PDE4D: variants seen among roughly 807,000 people sequenced by gnomAD.
The protein encoded by PDE4D is phosphodiesterase 4D.
Under a neutral mutation model 87.4 loss-of-function variants are expected in PDE4D, and 24 were observed. That is an observed-to-expected ratio of 0.27 (90% CI 0.20 to 0.39). The LOEUF is 0.39. Among genes scored for constraint, PDE4D ranks in the 10% least tolerant of loss-of-function variants. The pLI is 1.00. For missense variants in PDE4D, 714 were observed against 1,041.0 expected (o/e 0.69, Z 4.32); for synonymous variants, 384 against 383.2 (o/e 1.00, Z -0.02).
chr5:59,853,016 T>A (rs1744909835), intron 1 of PDE4D, among the ~76,000 whole-genome samples: 1 of 152,108 alleles, frequency 6.6e-6, no homozygotes, highest in African/African-American at 2.4e-5. Context: ...GCTCTTCTCC[T>A]TAACACCTTG....
intron 5 of PDE4D, among the ~76,000 whole-genome samples, chr5:59,070,390 CA>C (rs1301617812): frequency 1.3e-5 from 2 of 152,142 alleles, no homozygotes; most frequent in African/African-American, 4.8e-5. Context: ...AGAGGGTACC[CA>C]TTTTCAAATA....
intron 1 of PDE4D, among the ~76,000 whole-genome samples, chr5:59,471,596 C>T (rs1045754658): frequency 7.2e-5 from 11 of 152,214 alleles, no homozygotes; most frequent in Non-Finnish European, 1.5e-4. Flanking sequence ...TAAGGATCTT[C>T]CTAAGACTCA....
chr5:59,917,595 A>G (rs1040131213), intron 3 of PDE4D, among the ~76,000 whole-genome samples: 18 of 152,304 alleles, frequency 1.2e-4, no homozygotes, highest in African/African-American at 4.3e-4. Flanking sequence ...GTCCTTATTC[A>G]TTATTTCATA....
intron 1 of PDE4D, among the ~76,000 whole-genome samples, chr5:59,381,333 C>A (rs1025981686): frequency 5.3e-5 from 8 of 152,028 alleles, no homozygotes; most frequent in Non-Finnish European, 8.8e-5. Flanking sequence ...GAGATCAAAT[C>A]GCTTTACCCA....
intron 1 of PDE4D, among the ~76,000 whole-genome samples, chr5:59,454,605 C>T (rs527433741): frequency 7.2e-5 from 11 of 152,174 alleles, no homozygotes; most frequent in South Asian, 6.2e-4. Flanking sequence ...AAACTGGTAC[C>T]AGTAGAGTGG....
At chr5:59,818,995 G>A (rs1012231720) in intron 1 of PDE4D, among the ~76,000 whole-genome samples, 3 of 152,124 alleles carry the variant, frequency 2.0e-5, no homozygotes, top group African/African-American at 4.8e-5. Flanking sequence ...GTTGACACAA[G>A]CAATCAAAAT....
chr5:59,735,580 A>T (rs1317825160), intron 1 of PDE4D, among the ~76,000 whole-genome samples: 1 of 152,244 alleles, frequency 6.6e-6, no homozygotes, highest in Non-Finnish European at 1.5e-5. Context: ...ATCTTGCGTT[A>T]TTCACCAAAA....
At chr5:60,232,267 A>C (rs1369344232) in intron 1 of PDE4D, among the ~76,000 whole-genome samples, 1 of 151,990 alleles carries the variant, frequency 6.6e-6, no homozygotes, top group African/African-American at 2.4e-5. Context: ...GATATTAAGC[A>C]ATACTGTGGT....
intron 1 of PDE4D, among the ~76,000 whole-genome samples, chr5:60,320,676 C>T (rs1211025888): frequency 6.6e-6 from 1 of 152,134 alleles, no homozygotes; most frequent in African/African-American, 2.4e-5. Flanking sequence ...CTGCCCAAAA[C>T]CTCCTAGATC....
intron 1 of PDE4D, among the ~76,000 whole-genome samples, chr5:59,765,998 A>C (rs1762743028): frequency 6.6e-6 from 1 of 152,218 alleles, no homozygotes; most frequent in Non-Finnish European, 1.5e-5. Flanking sequence ...AATGGAGGGG[A>C]ATACCAGGAG....
intron 2 of PDE4D, among the ~76,000 whole-genome samples, chr5:60,009,858 A>C (rs1764849473): frequency 6.6e-6 from 1 of 152,110 alleles, no homozygotes; most frequent in Non-Finnish European, 1.5e-5. Flanking sequence ...GTTGACAAGG[A>C]TGAAAAGCTC....
At chr5:59,712,538 C>T (rs1488676024) in intron 1 of PDE4D, among the ~76,000 whole-genome samples, 1 of 109,968 alleles carries the variant, frequency 9.1e-6, no homozygotes, top group Non-Finnish European at 2.0e-5. Context: ...AACATTGCTA[C>T]CAGGGATTTA....
At chr5:59,670,546 T>A (rs1747019886) in intron 1 of PDE4D, among the ~76,000 whole-genome samples, 1 of 152,162 alleles carries the variant, frequency 6.6e-6, no homozygotes, top group African/African-American at 2.4e-5. Flanking sequence ...CATAAATAAA[T>A]TTTGTGTTTA....
intron 1 of PDE4D, among the ~76,000 whole-genome samples, chr5:59,838,465 T>C (rs1742488399): frequency 6.6e-6 from 1 of 152,084 alleles, no homozygotes; most frequent in African/African-American, 2.4e-5. Context: ...CAGTTGGCAT[T>C]CTTGCCTAAA....
At chr5:60,300,450 C>T (rs1344162112) in intron 1 of PDE4D, among the ~76,000 whole-genome samples, 1 of 152,020 alleles carries the variant, frequency 6.6e-6, no homozygotes, top group African/African-American at 2.4e-5. Context: ...TTGCTTTTGG[C>T]ATTTTCATCA....
rs185304090 is a variant in PDE4D, at chr5:59,134,791, A to G, written c.808+45804T>C. Among the ~76,000 whole-genome samples the G allele has an allele frequency of 4.5e-4, 68 of 152,306 alleles. No individual in the cohort carries two copies. The East Asian group carries it at 0.011, about 24-fold the overall frequency. ...ATAGTGAGGGTGGTCTTCAACACCA[A>G]TGCTCCTGACTGCTATCTTCCTTCA... On this transcript the variant is annotated intron_variant, in intron 5 of 14. Transcript: ENST00000340635.
rs555367704 is a variant in PDE4D, at chr5:59,719,181, T to G, written c.455+173987A>C. ...TAAACATGAGCCATTGGTATGCTGG[T>G]AAATATTTATCAGTTGGCTCTCCAG... On this transcript the variant is annotated intron_variant, in intron 1 of 14. Coordinates refer to ENST00000340635, the MANE Select transcript of PDE4D (RefSeq NM_001104631.2). Among the ~76,000 whole-genome samples, 11 of 151,664 alleles carry G rather than the reference T, an allele frequency of 7.3e-5. No homozygotes were observed. In the South Asian group the frequency reaches 2.1e-3, roughly 29 times the overall value.
At chr5:59,876,314 A>G (rs1422501236) in intron 1 of PDE4D, among the ~76,000 whole-genome samples, 1 of 152,150 alleles carries the variant, frequency 6.6e-6, no homozygotes, top group East Asian at 1.9e-4. Flanking sequence ...TGATGATGAT[A>G]GTGATGGTGA....
chr5:59,176,825 T>C (rs1017058164), intron 5 of PDE4D, among the ~76,000 whole-genome samples: 1 of 152,126 alleles, frequency 6.6e-6, no homozygotes, highest in African/African-American at 2.4e-5. Context: ...TGAACAACAG[T>C]GTATCATCTC....
Sources: allele counts gnomAD v4.1 joint callset (sites outside exome capture counted in the v4.1 genomes callset), GRCh38; gene constraint gnomAD v4.1.1; transcripts MANE v1.5; gene names NCBI Gene and HGNC (gene_info 2026-07-23, HGNC 2026-07-21).